The following B4GALT5 variants were observed in gnomAD, a reference collection of about 807,000 sequenced individuals.
The protein encoded by B4GALT5 is UDP-Gal:beta-GlcNAc beta-1,4-galactosyltransferase 5.
Under a neutral mutation model 45.0 loss-of-function variants are expected in B4GALT5, and 11 were observed. The observed-to-expected ratio is 0.24, with a 90% CI of 0.15 to 0.40. The LOEUF is 0.40. Ranked by LOEUF, B4GALT5 falls within the 10% of genes least tolerant of loss-of-function variation. The probability of loss-of-function intolerance (pLI) is 1.00; values close to 1 mark genes in which losing one functional copy is unlikely to be tolerated. For synonymous variants in B4GALT5, 185 were observed against 182.9 expected, an observed-to-expected ratio of 1.01 and a Z score of -0.09; for missense variants, 337 against 500.2, an observed-to-expected ratio of 0.67 and a Z score of 3.11.
intron 7 of B4GALT5, among the ~76,000 whole-genome samples, chr20:49,639,141 T>C (rs1180411511): frequency 6.6e-6 from 1 of 152,182 alleles, no homozygotes; most frequent in African/African-American, 2.4e-5. Flanking sequence ...ATGTTACTTA[T>C]TGTTGTGGGT....
chr20:49,686,346 C>T (rs898899490), intron 1 of B4GALT5, among the ~76,000 whole-genome samples: 14 of 152,104 alleles, frequency 9.2e-5, no homozygotes, highest in East Asian at 1.9e-4. Flanking sequence ...CTGCTGTACA[C>T]GCATTAGATC....
intron 1 of B4GALT5, among the ~76,000 whole-genome samples, chr20:49,682,877 G>C (rs922700604): frequency 1.3e-5 from 2 of 152,134 alleles, no homozygotes; most frequent in African/African-American, 4.8e-5. Flanking sequence ...AGGATCACTT[G>C]AGCCCAGGAG....
chr20:49,667,379 G>C (rs1487236971), intron 1 of B4GALT5, among the ~76,000 whole-genome samples: 1 of 151,644 alleles, frequency 6.6e-6, no homozygotes, highest in Non-Finnish European at 1.5e-5. Flanking sequence ...AGCCTCCCGA[G>C]TAGCTGGGAC....
At chr20:49,667,720 T>C (rs1601258817) in intron 1 of B4GALT5, among the ~76,000 whole-genome samples, 1 of 152,206 alleles carries the variant, frequency 6.6e-6, no homozygotes, top group Non-Finnish European at 1.5e-5. Context: ...CAATATTACC[T>C]GGATCTTTAC....
chr20:49,663,175 A>C (rs866847602), intron 1 of B4GALT5, among the ~76,000 whole-genome samples: 2 of 152,248 alleles, frequency 1.3e-5, no homozygotes, highest in Admixed American at 6.5e-5. Flanking sequence ...TCTACAACAT[A>C]AAAGTCAGGA....
At chr20:49,668,441 A>G (rs1934217172) in intron 1 of B4GALT5, among the ~76,000 whole-genome samples, 1 of 152,128 alleles carries the variant, frequency 6.6e-6, no homozygotes, top group African/African-American at 2.4e-5. Flanking sequence ...TCTTAATAGC[A>G]TGACCAGTTA....
chr20:49,639,598 C>CA (rs2085567383), intron 7 of B4GALT5, 80 bp downstream of exon 7: 1 of 1,543,580 alleles, frequency 6.5e-7, no homozygotes, highest in Non-Finnish European at 8.8e-7. Flanking sequence ...ACATGGCTTG[C>CA]ATTATATTCC....
intron 1 of B4GALT5, among the ~76,000 whole-genome samples, chr20:49,661,337 C>G (rs1008295043): frequency 6.6e-6 from 1 of 152,108 alleles, no homozygotes. Flanking sequence ...CAGGTTCAAG[C>G]GATTCTTCTG....
chr20:49,712,382 C>T (rs1026995893), intron 1 of B4GALT5, among the ~76,000 whole-genome samples: 4 of 151,880 alleles, frequency 2.6e-5, no homozygotes, highest in Admixed American at 6.6e-5. Context: ...CCGCTCTTAA[C>T]CTTCATGCTG....
chr20:49,650,653 C>A (rs1411912528), intron 2 of B4GALT5, among the ~76,000 whole-genome samples: 1 of 151,614 alleles, frequency 6.6e-6, no homozygotes, highest in African/African-American at 2.4e-5. Context: ...AACAAACAAA[C>A]AAAGTCTGCT....
chr20:49,699,711 G>A (rs1243808444), intron 1 of B4GALT5, among the ~76,000 whole-genome samples: 1 of 152,174 alleles, frequency 6.6e-6, no homozygotes, highest in Non-Finnish European at 1.5e-5. Context: ...AGTCAAGGTA[G>A]GAACGGCATC....
rs2122983768 is a variant in B4GALT5, at chr20:49,633,626, T to G, written c.*2686A>C. On this transcript the variant is annotated 3_prime_UTR_variant, in exon 9 of 9. Transcript: ENST00000371711. ...CAAAGGTATCAAAGTGACCCCACTTTAAGCAGTGAAAAAAGACCTTTCCTT... is the reference window on the plus strand; with the variant it reads ...CAAAGGTATCAAAGTGACCCCACTTGAAGCAGTGAAAAAAGACCTTTCCTT... 1 of 152,266 alleles carries G rather than the reference T, an allele frequency of 6.6e-6. No homozygotes were observed. The highest frequency in any genetic ancestry group is 1.9e-4 in the East Asian group (1 of 5,192). The allele number at this position is 152,266 out of a possible 1,614,324, so 9.4% of individuals were successfully genotyped here.
At chr20:49,692,917 G>A (rs1238705023) in intron 1 of B4GALT5, among the ~76,000 whole-genome samples, 2 of 152,190 alleles carry the variant, frequency 1.3e-5, no homozygotes, top group Admixed American at 1.3e-4. Flanking sequence ...ACGACTAGCT[G>A]CATATCCAAT....
intron 1 of B4GALT5, among the ~76,000 whole-genome samples, chr20:49,682,817 G>A: frequency 6.6e-6 from 1 of 152,158 alleles, no homozygotes; most frequent in Non-Finnish European, 1.5e-5. Context: ...TTCTAGGCCG[G>A]CGCAGTGGCT....
At chr20:49,653,692 G>A (rs577990034) in intron 2 of B4GALT5, among the ~76,000 whole-genome samples, 25 of 152,292 alleles carry the variant, frequency 1.6e-4, no homozygotes, top group African/African-American at 5.8e-4. Flanking sequence ...TGTAAGTCAA[G>A]TATCTAATAA....
intron 2 of B4GALT5, among the ~76,000 whole-genome samples, chr20:49,653,032 T>A (rs1478844676): frequency 6.6e-6 from 1 of 152,244 alleles, no homozygotes; most frequent in African/African-American, 2.4e-5. Context: ...TGGGTTTTCA[T>A]TAAATACACT....
In B4GALT5 at chr20:49,640,605, T is replaced by C. The variant is rs2085572784; in HGVS notation, c.667A>G (p.Lys223Glu). 1.9e-6 allele frequency: 3 copies of C among 1,614,014 alleles called. No homozygotes were observed. Among genetic ancestry groups the C allele is most frequent in the Non-Finnish European group, 2.5e-6 (3 of 1,179,974 alleles). ...LFNVGFQEAM[K>E]DLDWDCLIFH... is the part of the protein sequence containing the mutation. ...ATCAAACAGTCCCAATCCAAGTCTT[T>C]CATTGCCTCTTGAAAGCCAACGTTG... is the stretch of plus-strand genomic sequence containing the variant. Residue 223 changes from lysine (K) to glutamate (E), a missense_variant, in exon 6 of 9, where the codon AAA becomes GAA. Coordinates refer to ENST00000371711, the MANE Select transcript of B4GALT5 (RefSeq NM_004776.4).
At chr20:49,673,331 G>C (rs1783067403) in intron 1 of B4GALT5, among the ~76,000 whole-genome samples, 1 of 151,760 alleles carries the variant, frequency 6.6e-6, no homozygotes, top group Non-Finnish European at 1.5e-5. Context: ...AGCAAGCCGA[G>C]ATCGTGCCAC....
chr20:49,677,133 T>C (rs144016253), intron 1 of B4GALT5, among the ~76,000 whole-genome samples: 2 of 152,284 alleles, frequency 1.3e-5, no homozygotes, highest in African/African-American at 4.8e-5. Flanking sequence ...AACTTGCTAA[T>C]GGCATCTGGT....
Sources: gnomAD v4.1 joint callset for allele counts (sites outside exome capture counted in the v4.1 genomes callset) on GRCh38, gnomAD v4.1.1 for gene constraint, MANE v1.5 for transcripts, NCBI Gene and HGNC (gene_info 2026-07-23, HGNC 2026-07-21) for gene names.